Variants in ZCCHC14 observed in about 807,000 individuals in gnomAD.
The protein encoded by ZCCHC14 is zinc finger CCHC domain-containing protein 14.
Under a neutral mutation model 85.0 loss-of-function variants are expected in ZCCHC14, and 16 were observed. That is an observed-to-expected ratio of 0.19 (90% CI 0.13 to 0.29). The LOEUF is 0.29. ZCCHC14 is among the 10% of genes least tolerant of loss of function. ZCCHC14 has a pLI of 1.00. For missense variants in ZCCHC14, 1,303 were observed against 1,443.5 expected (o/e 0.90, Z 1.58); for synonymous variants, 775 against 630.7 (o/e 1.23, Z -3.43).
At chr16:87,458,190 A>G (rs1202400010) in intron 2 of ZCCHC14, among the ~76,000 whole-genome samples, 1 of 152,204 alleles carries the variant, frequency 6.6e-6, no homozygotes, top group East Asian at 1.9e-4. Context: ...CAGGGTGTGC[A>G]GGGCACAGGT....
At chr16:87,455,377 CA>C (rs1910907623) in intron 2 of ZCCHC14, among the ~76,000 whole-genome samples, 1 of 151,874 alleles carries the variant, frequency 6.6e-6, no homozygotes, top group African/African-American at 2.4e-5. Flanking sequence ...CAATGAACAA[CA>C]CAGTGACAAG....
intron 1 of ZCCHC14, chr16:87,473,645 A>C (rs1911875640): frequency 6.6e-6 from 1 of 152,222 alleles, no homozygotes; most frequent in Admixed American, 6.5e-5. Flanking sequence ...CTGCGTTATC[A>C]TGACCATTTT....
chr16:87,435,385 A>T (rs1909871265), intron 2 of ZCCHC14, among the ~76,000 whole-genome samples: 1 of 152,234 alleles, frequency 6.6e-6, no homozygotes, highest in Admixed American at 6.5e-5. Flanking sequence ...AGCGCTGTCT[A>T]AACCAACACC....
Position 87,439,307 on chromosome 16 carries a change from TA to T in ZCCHC14, c.695-6107del, listed in dbSNP as rs1715544784. 2.0e-5 allele frequency among the ~76,000 whole-genome samples: 3 copies of T among 152,020 alleles called. No homozygotes were observed. In the South Asian group the frequency reaches 6.2e-4, roughly 32 times the overall value. On this transcript the variant is annotated intron_variant, in intron 2 of 12. Transcript: ENST00000671377. ...CACCACCATGCCCAGCTAATTTTTG[TA>T]TTTTTAGTAGAGATGGGGGTTGCAC...
intron 7 of ZCCHC14, 118 bp from the exon 8 acceptor site, chr16:87,417,860 T>G (rs1266566049): frequency 1.6e-6 from 2 of 1,276,618 alleles, no homozygotes; most frequent in Non-Finnish European, 2.1e-6. Flanking sequence ...GCCGGCCCTG[T>G]TGTCACAGGC....
rs1908213514 is a variant in ZCCHC14, at chr16:87,406,606, A to C, written c.*3674T>G. The C allele has an allele frequency of 6.6e-6, 1 of 152,302 alleles. No individual in the cohort carries two copies. Among genetic ancestry groups the C allele is most frequent in the Non-Finnish European group, 1.5e-5 (1 of 68,046 alleles). 9.4% of individuals were successfully genotyped at this position (152,302 alleles called of 1,614,324 possible). On this transcript the variant is annotated 3_prime_UTR_variant, in exon 13 of 13. Coordinates refer to ENST00000671377, the MANE Select transcript of ZCCHC14 (RefSeq NM_015144.3). ...AAAGCCTTCTCTTTTTGTGCACGTA[A>C]GACTCACACATGTGATGAGGGCTTG...
intron 2 of ZCCHC14, among the ~76,000 whole-genome samples, chr16:87,454,207 CAGAT>C (rs1567530735): frequency 6.6e-6 from 1 of 152,014 alleles, no homozygotes; most frequent in Non-Finnish European, 1.5e-5. Flanking sequence ...ACTGGAGTCT[CAGAT>C]GGAGAAGAGG....
chr16:87,419,971 T>C, intron 5 of ZCCHC14, 94 bp from the exon 6 acceptor site: 1 of 1,068,018 alleles, frequency 9.4e-7, no homozygotes, highest in Non-Finnish European at 1.3e-6. Context: ...AAGAGAAATG[T>C]GTATTAGAGG....
At chr16:87,476,233 G>T (rs1358852076) in intron 1 of ZCCHC14, among the ~76,000 whole-genome samples, 1 of 152,160 alleles carries the variant, frequency 6.6e-6, no homozygotes. Flanking sequence ...GAGTTTGCCA[G>T]ACTGAAAGGA....
chr16:87,467,409 T>C (rs1394389605), intron 1 of ZCCHC14: 8 of 1,601,964 alleles, frequency 5.0e-6, no homozygotes, highest in Non-Finnish European at 6.8e-6. Context: ...TCAGGCAAGC[T>C]CTCCTGGAGC....
chr16:87,490,863 C>T (rs185440174), intron 1 of ZCCHC14, among the ~76,000 whole-genome samples: 1 of 152,370 alleles, frequency 6.6e-6, no homozygotes, highest in African/African-American at 2.4e-5. Context: ...ATACAGCATG[C>T]ACGTGTCCAT....
intron 8 of ZCCHC14, among the ~76,000 whole-genome samples, chr16:87,416,475 T>C (rs781628500): frequency 2.6e-5 from 4 of 152,000 alleles, no homozygotes; most frequent in Non-Finnish European, 5.9e-5. Context: ...CACAAATCCT[T>C]GGCCAGGCGC....
At chr16:87,477,794 C>T in intron 1 of ZCCHC14, among the ~76,000 whole-genome samples, 1 of 151,670 alleles carries the variant, frequency 6.6e-6, no homozygotes, top group Admixed American at 6.6e-5. Context: ...TGCTGCCCCT[C>T]ACCGCACACA....
At chr16:87,430,958 G>A (rs1034300640) in intron 3 of ZCCHC14, among the ~76,000 whole-genome samples, 7 of 150,978 alleles carry the variant, frequency 4.6e-5, no homozygotes, top group African/African-American at 1.2e-4. Context: ...TGAACAACAC[G>A]GTGAAACCCT....
At position 87,460,126 on chromosome 16, in the gene ZCCHC14, A is replaced by G; in HGVS notation, c.576T>C (p.Thr192=). The change falls in exon 2 of 13, where the codon ACT becomes ACC. Residue 192 remains threonine (T), a synonymous_variant. Transcript: ENST00000671377. ...TGCTGACAGGGGCCTCAGTTCTTGG[A>G]GTGATCTGAGGGAACAGAAACAGAA... ...LPTCPACHKI[T]PRTEAPVSSV... The G allele has an allele frequency of 6.2e-7, 1 of 1,614,154 alleles. No homozygotes were observed. Among genetic ancestry groups the G allele is most frequent in the Non-Finnish European group, 8.5e-7 (1 of 1,180,008 alleles).
At chr16:87,445,412 C>T (rs1910388769) in intron 2 of ZCCHC14, among the ~76,000 whole-genome samples, 1 of 152,150 alleles carries the variant, frequency 6.6e-6, no homozygotes, top group Admixed American at 6.5e-5. Flanking sequence ...TCAGTGTGTA[C>T]CATCAGAAGA....
chr16:87,417,789 AACCACAGACTCC>A (rs1314108291), intron 7 of ZCCHC14, 47 bp from the exon 8 acceptor site: 2 of 1,514,820 alleles, frequency 1.3e-6, no homozygotes, highest in Non-Finnish European at 1.8e-6. Flanking sequence ...TGGCTTCCAC[AACCACAGACTCC>A]ACCACAGACC....
rs267604674 is a variant in ZCCHC14, at chr16:87,410,313, G to A, written c.3228C>T (p.Ala1076=). 1.3e-6 allele frequency: 1 copy of A among 776,698 alleles called. No individual in the cohort carries two copies. The highest frequency in any genetic ancestry group is 2.4e-6 in the Non-Finnish European group (1 of 416,598). 48.1% of individuals were successfully genotyped at this position (776,698 alleles called of 1,614,324 possible). ...TGGAGTCCAGACTTTCTGCTGGAGGGGCGTATTTCAACCTAAAAGTACCTA... is the reference window on the plus strand; with the variant it reads ...TGGAGTCCAGACTTTCTGCTGGAGGAGCGTATTTCAACCTAAAAGTACCTA... ...NRPGTFRLKY[A]PPAESLDSTD Residue 1076 remains alanine, a synonymous_variant, in exon 13 of 13, where the codon GCC becomes GCT. Coordinates refer to ENST00000671377, the MANE Select transcript of ZCCHC14 (RefSeq NM_015144.3).
At chr16:87,484,513 G>A (rs1488487871) in intron 1 of ZCCHC14, among the ~76,000 whole-genome samples, 1 of 152,242 alleles carries the variant, frequency 6.6e-6, no homozygotes, top group African/African-American at 2.4e-5. Context: ...GTTACAGCAT[G>A]AAGAACAGCA....
Sources: gnomAD v4.1 joint callset for allele counts (sites outside exome capture counted in the v4.1 genomes callset) on GRCh38, gnomAD v4.1.1 for gene constraint, MANE v1.5 for transcripts, NCBI Gene and HGNC (gene_info 2026-07-23, HGNC 2026-07-21) for gene names.